Variants in FMN2 observed in about 807,000 individuals in gnomAD.
The protein encoded by FMN2 is formin 2.
FMN2 carries 51 observed loss-of-function variants against 142.3 expected under a neutral mutation model. The ratio of observed to expected loss-of-function variants is 0.36; its 90% confidence interval spans 0.29 to 0.45. The LOEUF (loss-of-function observed/expected upper bound fraction) is 0.45. FMN2 is among the 20% of genes least tolerant of loss of function. The pLI is 1.00. For missense variants in FMN2, 1,936 were observed against 2,122.8 expected (o/e 0.91, Z 1.73); for synonymous variants, 882 against 869.8 (o/e 1.01, Z -0.25).
intron 6 of FMN2, among the ~76,000 whole-genome samples, chr1:240,233,832 T>C (rs545766202): frequency 4.6e-5 from 7 of 152,236 alleles, no homozygotes; most frequent in African/African-American, 1.7e-4. Context: ...ACATTGCACA[T>C]TGGCCCCCTC....
chr1:240,265,263 A>G (rs1280492406), intron 7 of FMN2, among the ~76,000 whole-genome samples: 1 of 152,162 alleles, frequency 6.6e-6, no homozygotes, highest in African/African-American at 2.4e-5. Flanking sequence ...ATTTTTTCAC[A>G]TCTGTGAATT....
At chr1:240,263,266 A>G (rs895157589) in intron 7 of FMN2, among the ~76,000 whole-genome samples, 1 of 152,184 alleles carries the variant, frequency 6.6e-6, no homozygotes, top group Non-Finnish European at 1.5e-5. Flanking sequence ...ACTGTGATCT[A>G]TCTGAAAGGT....
At chr1:240,212,657 A>G (rs1666737716) in intron 6 of FMN2, among the ~76,000 whole-genome samples, 1 of 152,204 alleles carries the variant, frequency 6.6e-6, no homozygotes. Context: ...ATGGAAAATC[A>G]TATTTTCTCT....
chr1:240,462,213 C>T (rs1289411808), intron 16 of FMN2, among the ~76,000 whole-genome samples: 1 of 152,080 alleles, frequency 6.6e-6, no homozygotes, highest in African/African-American at 2.4e-5. Flanking sequence ...AAATATATTA[C>T]ATATATGTCT....
chr1:240,348,348 A>G (rs1348707308), intron 13 of FMN2, among the ~76,000 whole-genome samples: 4 of 151,720 alleles, frequency 2.6e-5, no homozygotes, highest in African/African-American at 9.7e-5. Flanking sequence ...CAGCCTCTCA[A>G]ATAGCTGGGA....
chr1:240,281,004 TC>T (rs1669379040), intron 7 of FMN2, among the ~76,000 whole-genome samples: 1 of 152,140 alleles, frequency 6.6e-6, no homozygotes, highest in African/African-American at 2.4e-5. Flanking sequence ...TCCATTTTTT[TC>T]CCTCCTGCCT....
At chr1:240,437,045 C>A (rs1675401810) in intron 15 of FMN2, among the ~76,000 whole-genome samples, 1 of 152,186 alleles carries the variant, frequency 6.6e-6, no homozygotes, top group South Asian at 2.1e-4. Flanking sequence ...CTCAGGGCAT[C>A]ACTCATGGGA....
At chr1:240,301,278 A>G (rs184990695) in intron 8 of FMN2, among the ~76,000 whole-genome samples, 110 of 151,870 alleles carry the variant, frequency 7.2e-4, no homozygotes, top group Non-Finnish European at 1.2e-3. Flanking sequence ...GAATTTTCAT[A>G]TAAAATATAG....
In FMN2 at chr1:240,093,652, G is replaced by A. The variant is rs754788440; in HGVS notation, c.1543G>A (p.Val515Met). 7 of 1,420,196 alleles carry A rather than the reference G, an allele frequency of 4.9e-6. No individual in the cohort carries two copies. The highest frequency in any genetic ancestry group is 5.5e-6 in the Non-Finnish European group (6 of 1,098,542). The allele number at this position is 1,420,196 out of a possible 1,614,324, so 88.0% of individuals were successfully genotyped here. Residue 515 changes from valine (V) to methionine (M), a missense_variant, in exon 1 of 18, where the codon GTG (valine) becomes ATG (methionine). By Grantham distance (21) the Val-to-Met change is conservative (BLOSUM62 1). Coordinates refer to ENST00000319653, the MANE Select transcript of FMN2 (RefSeq NM_020066.5). Reference sequence around the variant, plus strand: ...GGTGGCGAGTGACAGCGGCGGTGGGGTGTCCCCAGCACTGGCCGCCAAGGC... The same window carrying A: ...GGTGGCGAGTGACAGCGGCGGTGGGATGTCCCCAGCACTGGCCGCCAAGGC... ...RGVASDSGGG[V>M]SPALAAKASG...
chr1:240,437,443 C>T (rs1308495878), intron 15 of FMN2, among the ~76,000 whole-genome samples: 1 of 151,854 alleles, frequency 6.6e-6, no homozygotes, highest in Non-Finnish European at 1.5e-5. Flanking sequence ...CTACAGGTGC[C>T]CACCACCATG....
Position 240,385,881 on chromosome 1 carries a change from G to A in FMN2, c.4859-6630G>A, listed in dbSNP as rs531238191. ...ACACCTATATTTCTAGAGGCACAAT[G>A]ATATATATATATATTTATGTACAAA... On this transcript the variant is annotated intron_variant, in intron 14 of 17. Coordinates refer to ENST00000319653, the MANE Select transcript of FMN2 (RefSeq NM_020066.5). Among the ~76,000 whole-genome samples, 23 of 151,528 alleles carry A rather than the reference G, an allele frequency of 1.5e-4. No individual in the cohort carries two copies. In the South Asian group the frequency reaches 4.8e-3, roughly 32 times the overall value.
intron 15 of FMN2, among the ~76,000 whole-genome samples, chr1:240,397,866 C>G (rs1360159953): frequency 2.0e-5 from 3 of 151,210 alleles, no homozygotes; most frequent in Non-Finnish European, 4.4e-5. Context: ...TGTTTGACCC[C>G]AAAATGGGCA....
intron 16 of FMN2, among the ~76,000 whole-genome samples, chr1:240,461,264 AT>A (rs1200819655): frequency 2.0e-5 from 3 of 152,166 alleles, no homozygotes; most frequent in African/African-American, 7.2e-5. Context: ...TGAACAGGTA[AT>A]TTGGCCATTT....
intron 8 of FMN2, among the ~76,000 whole-genome samples, chr1:240,310,023 TG>T (rs1356458757): frequency 1.3e-5 from 2 of 152,194 alleles, no homozygotes; most frequent in African/African-American, 4.8e-5. Flanking sequence ...GTTGGTGTAA[TG>T]GTAATTATTA....
At chr1:240,117,771 C>G (rs1484093291) in intron 1 of FMN2, among the ~76,000 whole-genome samples, 1 of 152,188 alleles carries the variant, frequency 6.6e-6, no homozygotes, top group Non-Finnish European at 1.5e-5. Context: ...ATTATCCCGT[C>G]TTTGCCAGCC....
intron 14 of FMN2, among the ~76,000 whole-genome samples, chr1:240,380,266 A>G (rs949972638): frequency 2.0e-5 from 3 of 152,188 alleles, no homozygotes; most frequent in Non-Finnish European, 4.4e-5. Context: ...TTTTAAATGA[A>G]AATAATATTA....
intron 7 of FMN2, among the ~76,000 whole-genome samples, chr1:240,266,909 G>T (rs564204269): frequency 5.9e-5 from 9 of 151,948 alleles, no homozygotes; most frequent in Non-Finnish European, 1.3e-4. Context: ...AATGAAACTG[G>T]ACCCCCAAAA....
chr1:240,422,283 T>C (rs1558482748), intron 15 of FMN2, among the ~76,000 whole-genome samples: 1 of 152,198 alleles, frequency 6.6e-6, no homozygotes, highest in Non-Finnish European at 1.5e-5. Context: ...ATCTACAAAA[T>C]AACTCATTAG....
At chr1:240,201,983 T>TG (rs1666142357) in intron 4 of FMN2, among the ~76,000 whole-genome samples, 1 of 152,150 alleles carries the variant, frequency 6.6e-6, no homozygotes, top group African/African-American at 2.4e-5. Context: ...ATTTGTAGAG[T>TG]GGACATTTGA....
Sources: gnomAD v4.1 joint callset for allele counts (sites outside exome capture counted in the v4.1 genomes callset) on GRCh38, gnomAD v4.1.1 for gene constraint, MANE v1.5 for transcripts, NCBI Gene and HGNC (gene_info 2026-07-23, HGNC 2026-07-21) for gene names.